The following DICER1 variants were observed in gnomAD, a reference collection of about 807,000 sequenced individuals.
DICER1 encodes the protein endoribonuclease Dicer.
A neutral mutation model predicts 194.1 loss-of-function variants in DICER1; 43 were observed. That is an observed-to-expected ratio of 0.22 (90% CI 0.17 to 0.29). The LOEUF is 0.29. Ranked by LOEUF, DICER1 falls within the 10% of genes least tolerant of loss-of-function variation. DICER1 has a pLI of 1.00. For missense variants in DICER1, 1,608 were observed against 2,317.0 expected, an observed-to-expected ratio of 0.69 and a Z score of 6.28; for synonymous variants, 832 against 820.5, an observed-to-expected ratio of 1.01 and a Z score of -0.24.
intron 14 of DICER1, among the ~76,000 whole-genome samples, chr14:95,109,299 A>T (rs1312213515): frequency 6.6e-6 from 1 of 152,254 alleles, no homozygotes; most frequent in African/African-American, 2.4e-5. Flanking sequence ...ATCTGTAGTT[A>T]AAAGGTACAA....
At position 95,103,722 on chromosome 14, in the gene DICER1, T is replaced by A; in HGVS notation, c.3674A>T (p.Tyr1225Phe). 1.2e-6 allele frequency: 2 copies of A among 1,614,230 alleles called. No homozygotes were observed. Among genetic ancestry groups the A allele is most frequent in the Non-Finnish European group, 1.7e-6 (2 of 1,180,034 alleles). The change falls in exon 21 of 27, where the codon TAC (tyrosine) becomes TTC (phenylalanine). Residue 1225 changes from tyrosine to phenylalanine, a missense_variant. Transcript: ENST00000343455. ...TSYSIQNLYS[Y>F]ENQPQPSDEC... ...ATCGCTGGGCTGGGGCTGGTTCTCG[T>A]AACTGTATAAATTCTGAATGGAATA... is the stretch of plus-strand genomic sequence containing the variant.
intron 14 of DICER1, 128 bp downstream of exon 14, chr14:95,111,189 G>T: frequency 1.0e-6 from 1 of 980,910 alleles, no homozygotes; most frequent in Non-Finnish European, 1.6e-6. Context: ...GGAGAAAGGA[G>T]CTGAGATCCA....
chr14:95,128,733 G>A (rs1427123715), intron 6 of DICER1, among the ~76,000 whole-genome samples: 1 of 152,162 alleles, frequency 6.6e-6, no homozygotes, highest in African/African-American at 2.4e-5. Context: ...ACCCATGTCT[G>A]ACTTAACTCC....
chr14:95,106,738 T>G (rs1891463063), intron 17 of DICER1, among the ~76,000 whole-genome samples: 1 of 152,208 alleles, frequency 6.6e-6, no homozygotes. Flanking sequence ...CTGCCTGTAT[T>G]GTATTGCCCC....
intron 4 of DICER1, among the ~76,000 whole-genome samples, chr14:95,131,092 C>T (rs981957748): frequency 6.6e-6 from 1 of 152,050 alleles, no homozygotes; most frequent in African/African-American, 2.4e-5. Context: ...TGCAGTGGCG[C>T]GATCTCAGCT....
intron 11 of DICER1, 82 bp from the exon 12 acceptor site, chr14:95,113,306 G>GTGCC: frequency 7.5e-7 from 1 of 1,341,708 alleles, no homozygotes; most frequent in East Asian, 2.3e-5. Context: ...GATTTGTCAT[G>GTGCC]TGCCTCTTCC....
chr14:95,112,944 AT>A, intron 12 of DICER1, 147 bp downstream of exon 12: 1 of 802,598 alleles, frequency 1.2e-6, no homozygotes, highest in Non-Finnish European at 2.0e-6. Context: ...TTTTATTTTT[AT>A]TTTTGGTCTG....
At chr14:95,104,589 A>G in intron 20 of DICER1, among the ~76,000 whole-genome samples, 1 of 152,260 alleles carries the variant, frequency 6.6e-6, no homozygotes, top group East Asian at 1.9e-4. Context: ...GTTTGGCACT[A>G]TAGCAACTAA....
intron 24 of DICER1, among the ~76,000 whole-genome samples, chr14:95,091,679 T>C (rs1889855464): frequency 6.6e-6 from 1 of 152,176 alleles, no homozygotes; most frequent in Non-Finnish European, 1.5e-5. Context: ...AATAAAAGTA[T>C]GAAAAAAATT....
Position 95,089,148 on chromosome 14 carries a change from T to C in DICER1, c.*1350A>G, listed in dbSNP as rs1292290979. 9 of 230,400 alleles carry C rather than the reference T, an allele frequency of 3.9e-5. No individual in the cohort carries two copies. Among genetic ancestry groups the C allele is most frequent in the Non-Finnish European group, 7.7e-5 (9 of 117,522 alleles). The allele number at this position is 230,400 out of a possible 1,614,324, so 14.3% of individuals were successfully genotyped here. ...GAAAAGAAGAACTGAGGTATTTAAG[T>C]GAAGAGTGCCTACAAGTCTAATTAA... On this transcript the variant is annotated 3_prime_UTR_variant, in exon 27 of 27. Coordinates refer to ENST00000343455, the MANE Select transcript of DICER1 (RefSeq NM_177438.3).
chr14:95,140,289 G>C (rs1264782508), intron 1 of DICER1, among the ~76,000 whole-genome samples: 1 of 152,104 alleles, frequency 6.6e-6, no homozygotes, highest in African/African-American at 2.4e-5. Flanking sequence ...CCCCGTATAA[G>C]ACTATGGTCT....
chr14:95,127,173 C>A (rs1893548042), intron 6 of DICER1, among the ~76,000 whole-genome samples: 1 of 152,180 alleles, frequency 6.6e-6, no homozygotes, highest in African/African-American at 2.4e-5. Context: ...GACTGCCTTC[C>A]TCTGAGGGCT....
At chr14:95,147,824 A>G (rs1353396107) in intron 1 of DICER1, among the ~76,000 whole-genome samples, 2 of 152,142 alleles carry the variant, frequency 1.3e-5, no homozygotes, top group African/African-American at 4.8e-5. Context: ...GGGTTCCCAC[A>G]ACGCCCTCCT....
Position 95,103,528 on chromosome 14 carries a change from G to C in DICER1, c.3868C>G (p.Leu1290Val), listed in dbSNP as rs1060503650. The change falls in exon 21 of 27, where the codon CTT becomes GTT. Residue 1290 changes from leucine (L) to valine (V), a missense_variant. Coordinates refer to ENST00000343455, the MANE Select transcript of DICER1 (RefSeq NM_177438.3). ...SPSIGYSSRTLGPNPGLILQA... is the reference protein window; with the variant it reads ...SPSIGYSSRTVGPNPGLILQA... ...AGAATAAGTCCAGGATTGGGGCCAA[G>C]AGTCCTTGAGGAGTACCCAATAGAA... 1 of 1,614,184 alleles carries C rather than the reference G, an allele frequency of 6.2e-7. No individual in the cohort carries two copies. The highest frequency in any genetic ancestry group is 8.5e-7 in the Non-Finnish European group (1 of 1,180,038).
intron 8 of DICER1, 92 bp from the exon 9 acceptor site, chr14:95,117,846 AT>A (rs57468004): frequency 1.5e-6 from 2 of 1,290,560 alleles, no homozygotes; most frequent in Non-Finnish European, 2.2e-6. Context: ...AAGTACATGC[AT>A]TTTTTGCAAA....
intron 10 of DICER1, 123 bp from the exon 11 acceptor site, chr14:95,115,944 G>C (rs577817620): frequency 4.3e-6 from 4 of 927,242 alleles, no homozygotes; most frequent in Non-Finnish European, 6.8e-6. Context: ...ACATACTTCA[G>C]TACTCCAAAG....
At chr14:95,104,279 G>C (rs1891214261) in intron 20 of DICER1, among the ~76,000 whole-genome samples, 153 bp from the exon 21 acceptor site, 1 of 152,168 alleles carries the variant, frequency 6.6e-6, no homozygotes, top group African/African-American at 2.4e-5. Context: ...TTAATTTACA[G>C]TGTAAATTAT....
At chr14:95,126,370 A>T (rs940056449) in intron 7 of DICER1, among the ~76,000 whole-genome samples, 5 of 152,228 alleles carry the variant, frequency 3.3e-5, no homozygotes, top group African/African-American at 1.2e-4. Context: ...AGCTCCTTAA[A>T]TAGGGGAAGT....
At chr14:95,104,622 CTAT>C (rs992409223) in intron 20 of DICER1, among the ~76,000 whole-genome samples, 71 of 152,218 alleles carry the variant, frequency 4.7e-4, no homozygotes, top group African/African-American at 1.6e-3. Context: ...GTGGTTATTC[CTAT>C]TATATTTTAA....
Sources: allele counts gnomAD v4.1 joint callset (sites outside exome capture counted in the v4.1 genomes callset), GRCh38; gene constraint gnomAD v4.1.1; transcripts MANE v1.5; gene names NCBI Gene and HGNC (gene_info 2026-07-23, HGNC 2026-07-21).